The following MYO9A variants were observed in gnomAD, a reference collection of about 807,000 sequenced individuals.
MYO9A encodes the protein myosin IXA, also known as unconventional myosin-IXa.
MYO9A carries 103 observed loss-of-function variants against 293.3 expected under a neutral mutation model. That is an observed-to-expected ratio of 0.35 (90% CI 0.30 to 0.41). The LOEUF (loss-of-function observed/expected upper bound fraction) is 0.41, where lower values mean the gene tolerates loss of function less well. MYO9A is among the 10% of genes least tolerant of loss of function. The pLI is 1.00. For synonymous variants in MYO9A, 1,001 were observed against 1,035.7 expected, an observed-to-expected ratio of 0.97 and a Z score of 0.64; for missense variants, 2,685 against 3,033.0, an observed-to-expected ratio of 0.89 and a Z score of 2.69.
At position 71,938,910 on chromosome 15, in the gene MYO9A, G is replaced by A. The variant is rs2058701869; in HGVS notation, c.2320C>T (p.Pro774Ser). 1 of 1,610,194 alleles carries A rather than the reference G, an allele frequency of 6.2e-7. No individual in the cohort carries two copies. Among genetic ancestry groups the A allele is most frequent in the African/African-American group, 1.3e-5 (1 of 74,602 alleles). ...EEKYSITRKNPRTPLSDLQGM... is the reference protein window; with the variant it reads ...EEKYSITRKNSRTPLSDLQGM... Reference sequence around the variant, plus strand: ...TGGAGATCAGAAAGAGGTGTTCTGGGATTTTTCCGGGTTATACCTAGCAAA... The same window carrying A: ...TGGAGATCAGAAAGAGGTGTTCTGGAATTTTTCCGGGTTATACCTAGCAAA... The change falls in exon 16 of 42, where the codon CCC becomes TCC. Residue 774 changes from proline to serine, a missense_variant. Physicochemically the swap from Pro to Ser is moderately conservative, Grantham distance 74 (BLOSUM62 -1). This residue lies in a region of MYO9A where 1,434 missense variants were observed against 1,497.7 expected (regional missense o/e 0.96). Coordinates refer to ENST00000356056, the MANE Select transcript of MYO9A (RefSeq NM_006901.4).
intron 32 of MYO9A, among the ~76,000 whole-genome samples, chr15:71,874,194 A>T (rs1423839170): frequency 2.6e-5 from 4 of 152,264 alleles, no homozygotes; most frequent in Admixed American, 6.5e-5. Flanking sequence ...GCAAGTAAGG[A>T]TGTAAAAAGA....
chr15:71,936,935 T>C (rs992599936), intron 16 of MYO9A, among the ~76,000 whole-genome samples: 5 of 137,298 alleles, frequency 3.6e-5, no homozygotes, highest in Admixed American at 2.3e-4. Context: ...ACTCTGGCTT[T>C]AGAAAAAAAA....
intron 39 of MYO9A, 118 bp downstream of exon 39, chr15:71,848,727 G>A (rs1049372017): frequency 3.8e-5 from 47 of 1,222,258 alleles, no homozygotes; most frequent in African/African-American, 1.1e-4. Context: ...ATTTGGTGAC[G>A]TTTTACTTGT....
At chr15:72,110,435 C>CAAA (rs397854173) in intron 1 of MYO9A, among the ~76,000 whole-genome samples, 43 of 44,960 alleles carry the variant, frequency 9.6e-4, no homozygotes, top group Middle Eastern at 0.017. Flanking sequence ...GACTCCATCT[C>CAAA]AAAAAAAAAA....
At chr15:72,016,566 A>G (rs2149099121) in intron 6 of MYO9A, among the ~76,000 whole-genome samples, 1 of 152,366 alleles carries the variant, frequency 6.6e-6, no homozygotes, top group Admixed American at 6.5e-5. Context: ...TGCTAGTCAC[A>G]TAAGTTCTAA....
At chr15:71,858,855 A>T (rs560335039) in intron 34 of MYO9A, among the ~76,000 whole-genome samples, 2 of 128,586 alleles carry the variant, frequency 1.6e-5, no homozygotes, top group East Asian at 3.1e-4. Flanking sequence ...AAAGTATAAT[A>T]AAAAAAAAAA....
chr15:72,109,405 TACAC>T (rs955148477), intron 1 of MYO9A, among the ~76,000 whole-genome samples: 1 of 142,816 alleles, frequency 7.0e-6, no homozygotes, highest in Non-Finnish European at 1.5e-5. Context: ...AAAAAAAAAA[TACAC>T]ACACACAATC....
intron 12 of MYO9A, among the ~76,000 whole-genome samples, chr15:71,968,871 T>A (rs757961062): frequency 6.6e-6 from 1 of 152,216 alleles, no homozygotes; most frequent in Non-Finnish European, 1.5e-5. Context: ...AATAGCTTCA[T>A]TTAATGGTAG....
At chr15:72,098,556 A>G (rs1040041219) in intron 1 of MYO9A, among the ~76,000 whole-genome samples, 1 of 152,238 alleles carries the variant, frequency 6.6e-6, no homozygotes, top group Non-Finnish European at 1.5e-5. Context: ...CAATTAAAGC[A>G]ATACTTCATG....
At chr15:71,999,429 A>C (rs571080462) in intron 9 of MYO9A, among the ~76,000 whole-genome samples, 10 of 152,144 alleles carry the variant, frequency 6.6e-5, no homozygotes, top group African/African-American at 2.4e-4. Flanking sequence ...TTTTAGAGAT[A>C]AAGAAAAAAA....
At chr15:72,025,727 T>G (rs1405399719) in intron 4 of MYO9A, among the ~76,000 whole-genome samples, 1 of 152,136 alleles carries the variant, frequency 6.6e-6, no homozygotes, top group Non-Finnish European at 1.5e-5. Context: ...TACTCCACTT[T>G]CAATAATGAA....
chr15:71,830,453 T>G, intron 39 of MYO9A, 142 bp from the exon 40 acceptor site: 1 of 778,794 alleles, frequency 1.3e-6, no homozygotes, highest in Non-Finnish European at 2.1e-6. Context: ...CCTAGGATAT[T>G]TAGTGAGACA....
chr15:71,881,731 T>C (rs1016803876), intron 28 of MYO9A, among the ~76,000 whole-genome samples: 12 of 151,738 alleles, frequency 7.9e-5, no homozygotes, highest in Admixed American at 5.9e-4. Flanking sequence ...GTTTTATACA[T>C]GTGTCATTAT....
chr15:71,969,180 G>A lies in MYO9A; in HGVS notation c.1845-1055C>T, dbSNP rs1027734414. The stretch of plus-strand genomic sequence containing the variant: ...AAACTAGTAAAAACATCTGGCAACC[G>A]CAGGCATCCTCTAGGGATTAAACAA... On this transcript the variant is annotated intron_variant, in intron 12 of 41. Transcript: ENST00000356056. 4.6e-5 allele frequency among the ~76,000 whole-genome samples: 7 copies of A among 152,128 alleles called. 1 individual carries two copies. The highest frequency in any genetic ancestry group is 4.1e-4 in the South Asian group (2 of 4,826).
At chr15:71,892,647 A>C in intron 26 of MYO9A, 1 of 183,286 alleles carries the variant, frequency 5.5e-6, no homozygotes, top group South Asian at 1.2e-4. Context: ...ATGACCCACA[A>C]AGTCTAAAAT....
chr15:71,923,072 A>G (rs1430382082), intron 18 of MYO9A, among the ~76,000 whole-genome samples: 1 of 152,124 alleles, frequency 6.6e-6, no homozygotes, highest in Non-Finnish European at 1.5e-5. Flanking sequence ...CTATATCATG[A>G]GAGTTTTTAT....
At chr15:72,001,988 T>C (rs1416078048) in intron 8 of MYO9A, among the ~76,000 whole-genome samples, 1 of 152,142 alleles carries the variant, frequency 6.6e-6, no homozygotes, top group African/African-American at 2.4e-5. Context: ...AAGTAAATAT[T>C]GGCTGGGTGA....
chr15:71,846,096 G>A (rs1191916025), intron 39 of MYO9A, among the ~76,000 whole-genome samples: 1 of 152,182 alleles, frequency 6.6e-6, no homozygotes, highest in South Asian at 2.1e-4. Context: ...CCCATATGGT[G>A]TGAATGCCAA....
At chr15:71,924,868 C>A (rs908101929) in intron 18 of MYO9A, among the ~76,000 whole-genome samples, 2 of 150,688 alleles carry the variant, frequency 1.3e-5, no homozygotes, top group Non-Finnish European at 2.9e-5. Flanking sequence ...TGCAGCAAGC[C>A]GAGATCGTGT....
Sources: gnomAD v4.1 joint callset for allele counts (sites outside exome capture counted in the v4.1 genomes callset) on GRCh38, gnomAD v4.1.1 for gene constraint, gnomAD v4.1.1 regional missense constraint, MANE v1.5 for transcripts, NCBI Gene and HGNC (gene_info 2026-07-23, HGNC 2026-07-21) for gene names.